The following BATF variants were observed in gnomAD, a reference collection of about 807,000 sequenced individuals.
BATF encodes the protein basic leucine zipper ATF-like transcription factor, also known as basic leucine zipper transcriptional factor ATF-like.
In BATF, 5 loss-of-function variants were observed where a neutral mutation model predicts 13.7. The ratio of observed to expected loss-of-function variants is 0.36; its 90% CI spans 0.19 to 0.77. The LOEUF (loss-of-function observed/expected upper bound fraction) is 0.77. Ranked by LOEUF, BATF falls within the 30% of genes least tolerant of loss-of-function variation. BATF has a pLI of 0.51. For missense variants in BATF, 124 were observed against 163.0 expected (o/e 0.76, Z 1.30); for synonymous variants, 72 against 67.5 (o/e 1.07, Z -0.33).
Position 75,546,564 on chromosome 14 carries a change from C to T in BATF, c.271C>T (p.Pro91Ser). The T allele has an allele frequency of 6.2e-7, 1 of 1,614,144 alleles. No homozygotes were observed. Among genetic ancestry groups the T allele is most frequent in the Non-Finnish European group, 8.5e-7 (1 of 1,179,998 alleles). Reference sequence around the variant, plus strand: ...CACGTCGGTGCTGAACAGCCACGAGCCCCTGTGCTCGGTGCTGGCCGCCAG... The same window carrying T: ...CACGTCGGTGCTGAACAGCCACGAGTCCCTGTGCTCGGTGCTGGCCGCCAG... ...YFTSVLNSHE[P>S]LCSVLAASTP... The change falls in exon 3 of 3, where the codon CCC becomes TCC. Residue 91 changes from proline (P) to serine (S), a missense_variant. Around this residue, in one of 2 missense-constraint regions of BATF, gnomAD observed 59 missense variants for 49.7 expected, o/e 1.19. Coordinates refer to ENST00000286639, the MANE Select transcript of BATF (RefSeq NM_006399.5).
intron 2 of BATF, among the ~76,000 whole-genome samples, chr14:75,543,833 A>C (rs952296744): frequency 3.3e-5 from 5 of 151,982 alleles, no homozygotes; most frequent in African/African-American, 1.2e-4. Flanking sequence ...TGTCTCAAAA[A>C]AAAAAACCCA....
rs1374193944 is a variant in BATF, at chr14:75,546,688, G to C, written c.*17G>C. The C allele has an allele frequency of 6.4e-7, 1 of 1,562,348 alleles. No individual in the cohort carries two copies. Among genetic ancestry groups the C allele is most frequent in the Admixed American group, 1.8e-5 (1 of 55,112 alleles). ...CAGCCCTGAGCTTCCGATGCGGGGA[G>C]AGCAGAGCCTCGGGAGGGGCACACA... On this transcript the variant is annotated 3_prime_UTR_variant, in exon 3 of 3. Coordinates refer to ENST00000286639, the MANE Select transcript of BATF (RefSeq NM_006399.5).
chr14:75,537,853 A>G (rs1051118654), intron 2 of BATF, among the ~76,000 whole-genome samples: 16 of 152,164 alleles, frequency 1.1e-4, no homozygotes, highest in Admixed American at 3.9e-4. Context: ...CTCTTTAAGG[A>G]TATCAGTAGT....
Position 75,546,798 on chromosome 14 carries a change from C to T in BATF, c.*127C>T. ...CAGAGGCCTGGACAAGGAGTGAACA[C>T]GGGAACTGTCACGACTGGAAGGGCG... On this transcript the variant is annotated 3_prime_UTR_variant, in exon 3 of 3. Coordinates refer to ENST00000286639, the MANE Select transcript of BATF (RefSeq NM_006399.5). 3.2e-6 allele frequency: 4 copies of T among 1,262,318 alleles called. No homozygotes were observed. The South Asian group carries it at 4.0e-5, about 13-fold the overall frequency. 78.2% of individuals were successfully genotyped at this position (1,262,318 alleles called of 1,614,324 possible).
At chr14:75,527,145 C>T (rs558402916) in intron 2 of BATF, among the ~76,000 whole-genome samples, 1 of 152,208 alleles carries the variant, frequency 6.6e-6, no homozygotes, top group Admixed American at 6.5e-5. Context: ...ACAGATCGTA[C>T]ATTTAAAGAG....
At position 75,532,243 on chromosome 14, in the gene BATF, T is replaced by C. The variant is rs542145473; in HGVS notation, c.168+7055T>C. 3.3e-5 allele frequency among the ~76,000 whole-genome samples: 5 copies of C among 152,348 alleles called. No individual in the cohort carries two copies. The South Asian group carries it at 1.0e-3, about 32-fold the overall frequency. On this transcript the variant is annotated intron_variant, in intron 2 of 2. Transcript: ENST00000286639. ...TCAAACTCTGATGAAGATGTATTCA[T>C]CTTCCCTAACCTATATTTTCCTTGA...
At chr14:75,539,519 A>C (rs1199533698) in intron 2 of BATF, among the ~76,000 whole-genome samples, 1 of 141,110 alleles carries the variant, frequency 7.1e-6, no homozygotes, top group Admixed American at 7.9e-5. Context: ...ACGCTGAATG[A>C]ACCAAACTAT....
intron 2 of BATF, among the ~76,000 whole-genome samples, chr14:75,544,563 A>AGT (rs540461013): frequency 1.1e-5 from 1 of 87,782 alleles, no homozygotes; most frequent in East Asian, 3.1e-4. Context: ...AGACTGTCTC[A>AGT]AAAAAAAAAA....
intron 2 of BATF, among the ~76,000 whole-genome samples, chr14:75,542,825 T>C (rs1887917015): frequency 6.6e-6 from 1 of 152,182 alleles, no homozygotes; most frequent in Non-Finnish European, 1.5e-5. Flanking sequence ...AAACTTTGCC[T>C]AGAGCTCTGG....
chr14:75,546,428 C>T (rs1282021132), intron 2 of BATF, 34 bp from the exon 3 acceptor site: 36 of 1,609,972 alleles, frequency 2.2e-5, no homozygotes, highest in Non-Finnish European at 3.1e-5. Context: ...CCTTCCTAGA[C>T]ACTAACCTCC....
At chr14:75,534,907 A>G (rs189410427) in intron 2 of BATF, among the ~76,000 whole-genome samples, 5 of 152,230 alleles carry the variant, frequency 3.3e-5, no homozygotes, top group Non-Finnish European at 7.3e-5. Flanking sequence ...CACGATGTTC[A>G]TCTCAGCATT....
chr14:75,535,884 A>T lies in BATF; in HGVS notation c.169-10578A>T, dbSNP rs1887809224. On this transcript the variant is annotated intron_variant, in intron 2 of 2. Coordinates refer to ENST00000286639, the MANE Select transcript of BATF (RefSeq NM_006399.5). ...TCCTGCAACTGAGGACCCTGTAACTAAAAAAGGGTACTCAGCTGGCATAAG... is the reference window on the plus strand; with the variant it reads ...TCCTGCAACTGAGGACCCTGTAACTTAAAAAGGGTACTCAGCTGGCATAAG... Among the ~76,000 whole-genome samples the T allele has an allele frequency of 5.3e-5, 8 of 152,316 alleles. No homozygotes were observed. In the South Asian group the frequency reaches 1.7e-3, roughly 32 times the overall value.
chr14:75,528,640 C>A (rs1469423874), intron 2 of BATF, among the ~76,000 whole-genome samples: 1 of 152,230 alleles, frequency 6.6e-6, no homozygotes, highest in Non-Finnish European at 1.5e-5. Context: ...AGTTCCTTTT[C>A]TCCTGCAGAC....
chr14:75,546,312 C>T (rs1887984950), intron 2 of BATF, 150 bp from the exon 3 acceptor site: 3 of 739,780 alleles, frequency 4.1e-6, no homozygotes, highest in South Asian at 3.6e-5. Flanking sequence ...CTTGTGCACA[C>T]ATTCACACGT....
At position 75,540,823 on chromosome 14, in the gene BATF, C is replaced by T. The variant is rs906930424; in HGVS notation, c.169-5639C>T. Among the ~76,000 whole-genome samples, 7 of 152,336 alleles carry T rather than the reference C, an allele frequency of 4.6e-5. No homozygotes were observed. The South Asian group carries it at 6.2e-4, about 14-fold the overall frequency. ...TTATTGGCCAGGCATGGATGATTCA[C>T]GCCTGAAATCCCAGAACTTTGGGAG... On this transcript the variant is annotated intron_variant, in intron 2 of 2. Coordinates refer to ENST00000286639, the MANE Select transcript of BATF (RefSeq NM_006399.5).
chr14:75,533,125 G>T (rs932373338), intron 2 of BATF, among the ~76,000 whole-genome samples: 1 of 152,132 alleles, frequency 6.6e-6, no homozygotes, highest in Non-Finnish European at 1.5e-5. Context: ...AGTTTGGGAG[G>T]CATATTGGAA....
intron 1 of BATF, among the ~76,000 whole-genome samples, chr14:75,523,001 G>A (rs2140032590): frequency 6.6e-6 from 1 of 152,208 alleles, no homozygotes; most frequent in South Asian, 2.1e-4. Context: ...GCCTCACTGG[G>A]GTTGCCACCC....
chr14:75,544,289 G>T (rs1486057404), intron 2 of BATF, among the ~76,000 whole-genome samples: 3 of 151,934 alleles, frequency 2.0e-5, no homozygotes, highest in African/African-American at 7.3e-5. Flanking sequence ...CTGCAGCCAG[G>T]CATGGTGGCT....
intron 2 of BATF, among the ~76,000 whole-genome samples, chr14:75,541,865 T>C (rs112230073): frequency 6.6e-6 from 1 of 152,206 alleles, no homozygotes. Flanking sequence ...GGCTTCACCA[T>C]GCTGGCCAGG....
Sources: gnomAD v4.1 joint callset for allele counts (sites outside exome capture counted in the v4.1 genomes callset) on GRCh38, gnomAD v4.1.1 for gene constraint, gnomAD v4.1.1 regional missense constraint, MANE v1.5 for transcripts, NCBI Gene and HGNC (gene_info 2026-07-23, HGNC 2026-07-21) for gene names.